RGS6: variants seen among roughly 807,000 people sequenced by gnomAD.
The protein encoded by RGS6 is regulator of G protein signaling 6.
Under a neutral mutation model 78.5 loss-of-function variants are expected in RGS6, and 30 were observed. That is an observed-to-expected ratio of 0.38 (90% CI 0.29 to 0.52). The LOEUF (loss-of-function observed/expected upper bound fraction) is 0.52. RGS6 is among the 20% of genes least tolerant of loss of function. The probability of loss-of-function intolerance (pLI) is 0.85; values close to 1 mark genes in which losing one functional copy is unlikely to be tolerated. For synonymous variants in RGS6, 206 were observed against 206.0 expected, an observed-to-expected ratio of 1.00 and a Z score of 0.00; for missense variants, 495 against 609.7, an observed-to-expected ratio of 0.81 and a Z score of 1.98.
chr14:72,479,118 T>A (rs879571166), intron 12 of RGS6, among the ~76,000 whole-genome samples: 12 of 152,052 alleles, frequency 7.9e-5, no homozygotes, highest in African/African-American at 1.7e-4. Context: ...ATAAACTGAG[T>A]CTTTTAAGCC....
At chr14:72,345,495 G>T (rs1457008222) in intron 2 of RGS6, among the ~76,000 whole-genome samples, 2 of 152,194 alleles carry the variant, frequency 1.3e-5, no homozygotes, top group African/African-American at 2.4e-5. Context: ...TGAAATTGCA[G>T]CCTTTGAATG....
chr14:72,029,534 A>G (rs544846576), intron 2 of RGS6, among the ~76,000 whole-genome samples: 18 of 152,342 alleles, frequency 1.2e-4, no homozygotes, highest in South Asian at 8.3e-4. Context: ...TGCCTCTTAT[A>G]CAGTCTGCAT....
intron 1 of RGS6, among the ~76,000 whole-genome samples, chr14:71,944,786 T>C (rs998504666): frequency 6.6e-6 from 1 of 152,122 alleles, no homozygotes; most frequent in African/African-American, 2.4e-5. Flanking sequence ...TTTGGAGAAA[T>C]GTATCATTAG....
the RGS6 span, among the ~76,000 whole-genome samples, chr14:71,879,116 C>A: frequency 6.6e-6 from 1 of 152,066 alleles, no homozygotes; most frequent in Non-Finnish European, 1.5e-5. Context: ...GGAAGAAAAA[C>A]CCCAAGATTC....
At chr14:72,411,576 T>G (rs1294909946) in intron 3 of RGS6, among the ~76,000 whole-genome samples, 2 of 152,206 alleles carry the variant, frequency 1.3e-5, no homozygotes, top group African/African-American at 4.8e-5. Flanking sequence ...CCTGCCTGAT[T>G]GCCCTGGCCA....
intron 2 of RGS6, among the ~76,000 whole-genome samples, chr14:72,041,251 G>C (rs987063311): frequency 2.0e-5 from 3 of 152,012 alleles, no homozygotes; most frequent in African/African-American, 7.3e-5. Flanking sequence ...TTACCAGTCA[G>C]CCTGGCTAGA....
At chr14:72,206,350 A>G (rs1332108243) in intron 2 of RGS6, among the ~76,000 whole-genome samples, 4 of 152,176 alleles carry the variant, frequency 2.6e-5, no homozygotes, top group Non-Finnish European at 5.9e-5. Flanking sequence ...AGATGGACAT[A>G]GTATTTTGTT....
intron 3 of RGS6, among the ~76,000 whole-genome samples, chr14:72,390,294 T>G (rs1489958235): frequency 1.2e-4 from 18 of 151,986 alleles, no homozygotes; most frequent in Non-Finnish European, 4.4e-5. Context: ...GACGGGGTTT[T>G]GCCATGTTGG....
At chr14:71,891,187 A>G in the RGS6 span, among the ~76,000 whole-genome samples, 1 of 152,238 alleles carries the variant, frequency 6.6e-6, no homozygotes, top group Non-Finnish European at 1.5e-5. Flanking sequence ...CTGTAGGTCA[A>G]TGAATTGGTC....
intron 2 of RGS6, among the ~76,000 whole-genome samples, chr14:72,178,478 C>G (rs2097134632): frequency 6.6e-6 from 1 of 152,208 alleles, no homozygotes; most frequent in Non-Finnish European, 1.5e-5. Context: ...AAGAGCTGCA[C>G]CAAAACATCT....
At chr14:72,548,251 T>C (rs2097437673) in intron 17 of RGS6, among the ~76,000 whole-genome samples, 1 of 151,636 alleles carries the variant, frequency 6.6e-6, no homozygotes, top group Non-Finnish European at 1.5e-5. Context: ...TGGTAGATAA[T>C]GGAATTATAT....
At chr14:72,388,106 G>A (rs988801140) in intron 3 of RGS6, among the ~76,000 whole-genome samples, 2 of 152,094 alleles carry the variant, frequency 1.3e-5, no homozygotes, top group Non-Finnish European at 2.9e-5. Context: ...TTTTTGGGGG[G>A]ACACAATTCC....
intron 2 of RGS6, among the ~76,000 whole-genome samples, chr14:72,122,916 A>G (rs1032618378): frequency 1.3e-5 from 2 of 152,196 alleles, no homozygotes; most frequent in Non-Finnish European, 2.9e-5. Flanking sequence ...TTTCATCATT[A>G]AGATAAGATT....
At chr14:72,608,250 TTATC>T in the RGS6 span, among the ~76,000 whole-genome samples, 1 of 152,144 alleles carries the variant, frequency 6.6e-6, no homozygotes. Flanking sequence ...AGGCCTTTAT[TTATC>T]TATCTAAAAT....
chr14:72,256,515 G>T (rs369994464), intron 2 of RGS6, among the ~76,000 whole-genome samples: 1 of 152,162 alleles, frequency 6.6e-6, no homozygotes, highest in East Asian at 1.9e-4. Flanking sequence ...ACAATGGTTG[G>T]TTATCATTTA....
chr14:72,226,326 A>G (rs758045916), intron 2 of RGS6, among the ~76,000 whole-genome samples: 4 of 152,248 alleles, frequency 2.6e-5, no homozygotes, highest in Non-Finnish European at 4.4e-5. Context: ...CTGGCTTAGC[A>G]TATTTTCTCA....
At chr14:72,021,601 T>G (rs1247805992) in intron 2 of RGS6, among the ~76,000 whole-genome samples, 1 of 151,676 alleles carries the variant, frequency 6.6e-6, no homozygotes, top group Non-Finnish European at 1.5e-5. Context: ...CCCGAGTAGC[T>G]GGAATTACAG....
chr14:72,078,389 ATTTCT>A (rs1420773376), intron 2 of RGS6, among the ~76,000 whole-genome samples: 3 of 151,770 alleles, frequency 2.0e-5, no homozygotes, highest in East Asian at 3.9e-4. Flanking sequence ...AGTCTCAGGT[ATTTCT>A]TTTCTTTTAT....
chr14:71,883,650 G>A, the RGS6 span, among the ~76,000 whole-genome samples: 1 of 152,184 alleles, frequency 6.6e-6, no homozygotes, highest in East Asian at 1.9e-4. Flanking sequence ...AGGTCACAAA[G>A]ACCTTGCTGA....
Sources: allele counts gnomAD v4.1 joint callset (sites outside exome capture counted in the v4.1 genomes callset), GRCh38; gene constraint gnomAD v4.1.1; transcripts MANE v1.5; gene names NCBI Gene and HGNC (gene_info 2026-07-23, HGNC 2026-07-21).